PDGFRA: variants seen among roughly 807,000 people sequenced by gnomAD.
PDGFRA encodes the protein platelet derived growth factor receptor alpha, also known as platelet-derived growth factor receptor alpha.
A neutral mutation model predicts 121.5 loss-of-function variants in PDGFRA; 25 were observed. The ratio of observed to expected loss-of-function variants is 0.21; its 90% CI spans 0.15 to 0.29. The LOEUF (loss-of-function observed/expected upper bound fraction) is 0.29. Among genes scored for constraint, PDGFRA ranks in the 10% least tolerant of loss-of-function variants. The probability of loss-of-function intolerance (pLI) is 1.00; values close to 1 mark genes in which losing one functional copy is unlikely to be tolerated. For missense variants in PDGFRA, 1,008 were observed against 1,345.1 expected (o/e 0.75, Z 3.92); for synonymous variants, 463 against 494.8 (o/e 0.94, Z 0.85).
chr4:54,259,824 A>G (rs1471544657), intron 2 of PDGFRA, among the ~76,000 whole-genome samples: 5 of 152,234 alleles, frequency 3.3e-5, no homozygotes, highest in Non-Finnish European at 5.9e-5. Context: ...GTCTCACACC[A>G]GGTTCCAAGG....
intron 1 of PDGFRA, among the ~76,000 whole-genome samples, chr4:54,250,339 TAA>T (rs1446134045): frequency 6.6e-6 from 1 of 152,216 alleles, no homozygotes; most frequent in Non-Finnish European, 1.5e-5. Context: ...AATTCTAATG[TAA>T]GTCTTTTTCT....
chr4:54,251,935 A>G (rs1236833084), intron 1 of PDGFRA, among the ~76,000 whole-genome samples: 1 of 152,250 alleles, frequency 6.6e-6, no homozygotes, highest in African/African-American at 2.4e-5. Context: ...ATTTCATAAG[A>G]TTAAAACTTT....
chr4:54,270,554 A>T (rs1723282231), intron 7 of PDGFRA, 79 bp from the exon 8 acceptor site: 1 of 803,116 alleles, frequency 1.2e-6, no homozygotes, highest in Non-Finnish European at 2.2e-6. Flanking sequence ...AATAAAACTT[A>T]AATTGAAGAG....
chr4:54,231,588 C>T (rs1054214813), intron 1 of PDGFRA, among the ~76,000 whole-genome samples: 24 of 152,266 alleles, frequency 1.6e-4, no homozygotes, highest in Non-Finnish European at 2.4e-4. Flanking sequence ...TTCTCCCTTT[C>T]TCCTCGGCCT....
rs1337054194 is a variant in PDGFRA at position 54,280,494 on chromosome 4, T to C, written c.2323+12T>C. Reference sequence around the variant, plus strand: ...GAAATCTATGTTAGGTAAAAGTGTCTATACTCACTCTGGGTGTTGGGACTT... The same window carrying C: ...GAAATCTATGTTAGGTAAAAGTGTCCATACTCACTCTGGGTGTTGGGACTT... On this transcript the variant is annotated intron_variant, in intron 16 of 22. Coordinates refer to ENST00000257290, the MANE Select transcript of PDGFRA (RefSeq NM_006206.6). 1 of 1,604,094 alleles carries C rather than the reference T, an allele frequency of 6.2e-7. No homozygotes were observed. The highest frequency in any genetic ancestry group is 1.7e-5 in the Admixed American group (1 of 60,002).
At chr4:54,281,568 C>G in intron 16 of PDGFRA, 1 of 1,341,886 alleles carries the variant, frequency 7.5e-7, no homozygotes, top group Non-Finnish European at 9.8e-7. Flanking sequence ...AAATAGTTTA[C>G]ATTGCTTCCC....
rs1553904985 is a variant in PDGFRA, at chr4:54,278,367, A to G, written c.2008A>G (p.Ile670Val). 1 of 1,613,124 alleles carries G rather than the reference A, an allele frequency of 6.2e-7. No homozygotes were observed. Reference protein sequence around the residue: ...LLGACTKSGPIYIITEYCFYG... With the variant: ...LLGACTKSGPVYIITEYCFYG... ...AACGGCTTTTGTCCCCATAGGCCCCATTTACATCATCACAGAGTATTGCTT... is the reference window on the plus strand; with the variant it reads ...AACGGCTTTTGTCCCCATAGGCCCCGTTTACATCATCACAGAGTATTGCTT... Residue 670 changes from isoleucine (I) to valine (V), a missense_variant, in exon 15 of 23, where the codon ATT (isoleucine) becomes GTT (valine). Transcript: ENST00000257290.
intron 21 of PDGFRA, 145 bp from the exon 22 acceptor site, chr4:54,290,168 A>G (rs1724552034): frequency 1.4e-6 from 1 of 707,736 alleles, no homozygotes; most frequent in South Asian, 1.6e-5. Context: ...GATAGTTGAC[A>G]TGACTCTCCT....
At chr4:54,246,631 T>A (rs1348421789) in intron 1 of PDGFRA, among the ~76,000 whole-genome samples, 30 of 151,564 alleles carry the variant, frequency 2.0e-4, no homozygotes, top group African/African-American at 5.1e-4. Flanking sequence ...TCCAAAATTG[T>A]CACCCTAACA....
chr4:54,244,525 A>G (rs1721508227), intron 1 of PDGFRA, among the ~76,000 whole-genome samples: 1 of 152,218 alleles, frequency 6.6e-6, no homozygotes. Flanking sequence ...TTAGAAGGAA[A>G]ACTAACAAAC....
chr4:54,258,730 G>C (rs1722513365), intron 1 of PDGFRA, 27 bp from the exon 2 acceptor site: 4 of 1,474,576 alleles, frequency 2.7e-6, no homozygotes, highest in Non-Finnish European at 3.8e-6. Context: ...TGCTAATGCT[G>C]TTTCTGTTGA....
At chr4:54,292,736 A>G (rs1724691401) in intron 22 of PDGFRA, among the ~76,000 whole-genome samples, 1 of 152,184 alleles carries the variant, frequency 6.6e-6, no homozygotes. Context: ...AGCAACGTGG[A>G]TGGAGCCGGA....
chr4:54,290,627 C>T, intron 22 of PDGFRA, 73 bp downstream of exon 22: 1 of 1,552,762 alleles, frequency 6.4e-7, no homozygotes, highest in Non-Finnish European at 8.9e-7. Flanking sequence ...GACCCATTTT[C>T]CCGATAATGG....
At chr4:54,272,102 C>G (rs1002945840) in intron 8 of PDGFRA, among the ~76,000 whole-genome samples, 3 of 149,884 alleles carry the variant, frequency 2.0e-5, no homozygotes, top group Non-Finnish European at 3.0e-5. Context: ...CCACCTCAGC[C>G]TCCCAAGTAG....
chr4:54,236,271 T>C (rs753428052), intron 1 of PDGFRA, among the ~76,000 whole-genome samples: 3 of 152,248 alleles, frequency 2.0e-5, no homozygotes, highest in Non-Finnish European at 2.9e-5. Context: ...CAGTTACTTA[T>C]ATTTGCACAC....
chr4:54,242,361 C>A (rs1721352032), intron 1 of PDGFRA, among the ~76,000 whole-genome samples: 1 of 151,938 alleles, frequency 6.6e-6, no homozygotes, highest in Admixed American at 6.6e-5. Context: ...TAAGTTATAA[C>A]CTTGGTTAAG....
At chr4:54,268,938 G>A (rs1303073889) in intron 7 of PDGFRA, among the ~76,000 whole-genome samples, 1 of 152,196 alleles carries the variant, frequency 6.6e-6, no homozygotes, top group Non-Finnish European at 1.5e-5. Flanking sequence ...TTTCCTTTTA[G>A]TGATTCAAGG....
intron 8 of PDGFRA, 128 bp from the exon 9 acceptor site, chr4:54,272,266 C>A: frequency 1.1e-6 from 1 of 913,582 alleles, no homozygotes; most frequent in South Asian, 1.4e-5. Flanking sequence ...ACTTGTACAA[C>A]TGGTTTCAGC....
At chr4:54,274,509 G>A (rs1723596969) in intron 10 of PDGFRA, 22 bp from the exon 11 acceptor site, 2 of 1,573,576 alleles carry the variant, frequency 1.3e-6, no homozygotes, top group South Asian at 2.2e-5. Flanking sequence ...TTTTCATTGT[G>A]CCTCTCTCTC....
Sources: allele counts gnomAD v4.1 joint callset (sites outside exome capture counted in the v4.1 genomes callset), GRCh38; gene constraint gnomAD v4.1.1; transcripts MANE v1.5; gene names NCBI Gene and HGNC (gene_info 2026-07-23, HGNC 2026-07-21).